Variants in CAMKMT observed in about 807,000 individuals in gnomAD.
CAMKMT encodes the protein CaM KMT.
CAMKMT carries 53 observed loss-of-function variants against 48.0 expected under a neutral mutation model. The observed-to-expected ratio is 1.10, with a 90% CI of 0.89 to 1.39. The LOEUF (loss-of-function observed/expected upper bound fraction) is 1.39. Among genes scored for constraint, CAMKMT ranks in the 40% most tolerant of loss-of-function variants. The pLI is 0.00. For missense variants in CAMKMT, 428 were observed against 402.7 expected (o/e 1.06, Z -0.54); for synonymous variants, 165 against 152.3 (o/e 1.08, Z -0.61).
intron 3 of CAMKMT, among the ~76,000 whole-genome samples, chr2:44,572,948 A>G (rs894616251): frequency 6.6e-6 from 1 of 152,156 alleles, no homozygotes; most frequent in Non-Finnish European, 1.5e-5. Flanking sequence ...TTTGATTTGC[A>G]TTTCCCTAAT....
intron 7 of CAMKMT, among the ~76,000 whole-genome samples, chr2:44,726,028 C>T (rs1174719979): frequency 6.6e-6 from 1 of 152,176 alleles, no homozygotes; most frequent in Non-Finnish European, 1.5e-5. Flanking sequence ...ATTGTTCACA[C>T]ATATTTATAT....
At chr2:44,449,127 A>C (rs1353310308) in intron 3 of CAMKMT, among the ~76,000 whole-genome samples, 1 of 152,114 alleles carries the variant, frequency 6.6e-6, no homozygotes, top group Non-Finnish European at 1.5e-5. Flanking sequence ...TGGCATGTAA[A>C]TTATGTCTTA....
chr2:44,647,101 A>T (rs1418726918), intron 3 of CAMKMT, among the ~76,000 whole-genome samples: 1 of 152,140 alleles, frequency 6.6e-6, no homozygotes, highest in Non-Finnish European at 1.5e-5. Context: ...GATCAAGACC[A>T]TCCTGGCTAA....
At chr2:44,456,660 TATAAG>T (rs1667579726) in intron 3 of CAMKMT, 3 of 1,530,680 alleles carry the variant, frequency 2.0e-6, no homozygotes, top group Non-Finnish European at 2.6e-6. Context: ...AGATGGGACT[TATAAG>T]AAAAGATGTT....
At chr2:44,502,542 A>C (rs746068920) in intron 3 of CAMKMT, among the ~76,000 whole-genome samples, 8 of 152,234 alleles carry the variant, frequency 5.3e-5, no homozygotes, top group Admixed American at 1.3e-4. Context: ...AATGCTTGAT[A>C]ATGTCTTGCC....
intron 3 of CAMKMT, among the ~76,000 whole-genome samples, chr2:44,698,000 A>G (rs924315784): frequency 6.6e-6 from 1 of 152,204 alleles, no homozygotes; most frequent in East Asian, 1.9e-4. Flanking sequence ...ATAGATCCCA[A>G]TGGCTCTTTA....
intron 3 of CAMKMT, among the ~76,000 whole-genome samples, chr2:44,461,433 A>C (rs1667845197): frequency 6.6e-6 from 1 of 152,220 alleles, no homozygotes; most frequent in Non-Finnish European, 1.5e-5. Flanking sequence ...ATAGCTAGTA[A>C]GTGGGTGAGG....
intron 3 of CAMKMT, among the ~76,000 whole-genome samples, chr2:44,429,055 A>C (rs1178723613): frequency 6.6e-6 from 1 of 152,154 alleles, no homozygotes; most frequent in African/African-American, 2.4e-5. Context: ...AGTCATGTTG[A>C]ACTTAAGGCT....
At chr2:44,362,244 G>A (rs1270854872) in intron 1 of CAMKMT, 99 bp downstream of exon 1, 1 of 1,114,444 alleles carries the variant, frequency 9.0e-7, no homozygotes, top group Non-Finnish European at 1.2e-6. Flanking sequence ...TGGCAGCTCT[G>A]GGAGACCCTT....
At chr2:44,563,406 G>T (rs1038546043) in intron 3 of CAMKMT, among the ~76,000 whole-genome samples, 4 of 151,564 alleles carry the variant, frequency 2.6e-5, no homozygotes, top group Non-Finnish European at 5.9e-5. Context: ...TACCATTTGT[G>T]CTCCTGACAC....
intron 10 of CAMKMT, among the ~76,000 whole-genome samples, chr2:44,768,364 T>A (rs868816536): frequency 0.08 from 11,069 of 137,786 alleles, 528 homozygotes; most frequent in Non-Finnish European, 0.11. Flanking sequence ...TATATATATT[T>A]TTTTTTTTTT....
intron 3 of CAMKMT, among the ~76,000 whole-genome samples, chr2:44,449,949 T>C (rs1667205176): frequency 6.6e-6 from 1 of 152,152 alleles, no homozygotes; most frequent in African/African-American, 2.4e-5. Context: ...AGTTAAAGTA[T>C]AGTAATTTTT....
chr2:44,645,466 A>T (rs764700250), intron 3 of CAMKMT, among the ~76,000 whole-genome samples: 2 of 152,176 alleles, frequency 1.3e-5, no homozygotes, highest in Non-Finnish European at 2.9e-5. Context: ...GAGGTTTTAG[A>T]ATGGCAGGAT....
At chr2:44,388,231 G>A (rs761721407) in intron 2 of CAMKMT, among the ~76,000 whole-genome samples, 25 of 152,008 alleles carry the variant, frequency 1.6e-4, no homozygotes, top group African/African-American at 2.7e-4. Context: ...TTGTTGGATT[G>A]GGTTAATTTG....
At chr2:44,463,214 A>G (rs977721361) in intron 3 of CAMKMT, among the ~76,000 whole-genome samples, 20 of 152,348 alleles carry the variant, frequency 1.3e-4, no homozygotes, top group Non-Finnish European at 2.2e-4. Flanking sequence ...GCTTACAGTA[A>G]TGTCAGCAAG....
intron 3 of CAMKMT, among the ~76,000 whole-genome samples, chr2:44,468,256 C>T (rs913574562): frequency 2.0e-5 from 3 of 152,172 alleles, no homozygotes; most frequent in Non-Finnish European, 4.4e-5. Flanking sequence ...CAATGTTCCA[C>T]ATCACTGGTC....
intron 3 of CAMKMT, among the ~76,000 whole-genome samples, chr2:44,613,875 A>G (rs989311854): frequency 6.6e-6 from 1 of 152,200 alleles, no homozygotes; most frequent in Admixed American, 6.5e-5. Context: ...GTCCGTCTCT[A>G]TGGAATGAAG....
At chr2:44,524,974 A>C (rs1186460842) in intron 3 of CAMKMT, among the ~76,000 whole-genome samples, 1 of 111,508 alleles carries the variant, frequency 9.0e-6, no homozygotes, top group Non-Finnish European at 2.2e-5. Flanking sequence ...ATAAAAAAAA[A>C]AAAAAAACTT....
intron 3 of CAMKMT, among the ~76,000 whole-genome samples, chr2:44,486,606 C>A (rs1013003948): frequency 6.6e-6 from 1 of 152,156 alleles, no homozygotes; most frequent in Non-Finnish European, 1.5e-5. Context: ...GGTTCTTTAC[C>A]TACACAGGAT....
Sources: allele counts gnomAD v4.1 joint callset (sites outside exome capture counted in the v4.1 genomes callset), GRCh38; gene constraint gnomAD v4.1.1; transcripts MANE v1.5; gene names NCBI Gene and HGNC (gene_info 2026-07-23, HGNC 2026-07-21).